Variants in BTBD9 observed in about 807,000 individuals in gnomAD.
The protein encoded by BTBD9 is BTB domain containing 9, also known as BTB/POZ domain-containing protein 9.
In BTBD9, 49 loss-of-function variants were observed where a neutral mutation model predicts 64.3. The observed-to-expected ratio is 0.76, with a 90% CI of 0.61 to 0.97. The LOEUF (loss-of-function observed/expected upper bound fraction) is 0.97, where lower values mean the gene tolerates loss of function less well. Ranked by LOEUF, BTBD9 falls within the 50% of genes least tolerant of loss-of-function variation. BTBD9 has a pLI of 0.00. For synonymous variants in BTBD9, 260 were observed against 274.7 expected, an observed-to-expected ratio of 0.95 and a Z score of 0.53; for missense variants, 598 against 762.1, an observed-to-expected ratio of 0.78 and a Z score of 2.53.
intron 7 of BTBD9, among the ~76,000 whole-genome samples, chr6:38,303,978 T>C (rs996398577): frequency 1.4e-5 from 2 of 148,090 alleles, no homozygotes; most frequent in Non-Finnish European, 3.0e-5. Flanking sequence ...TGCTGGTGAA[T>C]AGCATACTAT....
chr6:38,308,977 C>T (rs979909399), intron 7 of BTBD9, among the ~76,000 whole-genome samples: 1 of 151,880 alleles, frequency 6.6e-6, no homozygotes, highest in Admixed American at 6.6e-5. Flanking sequence ...CAGGTCACAA[C>T]AGGTTTGTGA....
intron 10 of BTBD9, among the ~76,000 whole-genome samples, chr6:38,180,543 C>A (rs1447250830): frequency 1.0e-4 from 12 of 118,886 alleles, no homozygotes; most frequent in African/African-American, 3.9e-4. Context: ...CTAGGTGGAA[C>A]AGCCAAGTCC....
chr6:38,563,441 A>C (rs1775336685), intron 6 of BTBD9, among the ~76,000 whole-genome samples: 1 of 152,096 alleles, frequency 6.6e-6, no homozygotes, highest in South Asian at 2.1e-4. Flanking sequence ...GAGGTCTCCC[A>C]ACTGGTTTCC....
intron 4 of BTBD9, chr6:38,587,670 T>C (rs1776597517): frequency 1.6e-6 from 1 of 614,332 alleles, no homozygotes; most frequent in South Asian, 1.5e-5. Context: ...AACTTTGAAA[T>C]AAAGTGAATC....
At chr6:38,404,054 T>A (rs1442077927) in intron 6 of BTBD9, among the ~76,000 whole-genome samples, 1 of 152,040 alleles carries the variant, frequency 6.6e-6, no homozygotes, top group East Asian at 1.9e-4. Context: ...ATAAAGCAGA[T>A]TAGTGGTGGC....
At chr6:38,333,841 A>G (rs750176090) in intron 7 of BTBD9, among the ~76,000 whole-genome samples, 2 of 152,348 alleles carry the variant, frequency 1.3e-5, no homozygotes, top group Non-Finnish European at 2.9e-5. Context: ...TGCCATTGCT[A>G]CAACGATACC....
intron 7 of BTBD9, among the ~76,000 whole-genome samples, chr6:38,328,444 C>T (rs1025453692): frequency 6.6e-6 from 1 of 152,062 alleles, no homozygotes; most frequent in African/African-American, 2.4e-5. Flanking sequence ...AGAAGGTGGC[C>T]ATTTACATGC....
chr6:38,542,076 G>A (rs2127438549), intron 6 of BTBD9, among the ~76,000 whole-genome samples: 1 of 152,124 alleles, frequency 6.6e-6, no homozygotes, highest in East Asian at 1.9e-4. Flanking sequence ...CTGGACAGGT[G>A]GCCTTCACTA....
rs1776843505 is a variant in BTBD9, at chr6:38,592,493, G to C, written c.814+83C>G. On this transcript the variant is annotated intron_variant, in intron 4 of 10. Transcript: ENST00000481247. ...TATTTCATGTACACCTGCACTACACGGTTCTGTAGTAGCTTTGCGGTTTTA... is the reference window on the plus strand; with the variant it reads ...TATTTCATGTACACCTGCACTACACCGTTCTGTAGTAGCTTTGCGGTTTTA... The C allele has an allele frequency of 2.1e-6, 3 of 1,430,070 alleles. No homozygotes were observed. In the African/African-American group the frequency reaches 4.2e-5, roughly 20 times the overall value. 88.6% of individuals were successfully genotyped at this position (1,430,070 alleles called of 1,614,324 possible).
At chr6:38,382,211 T>G (rs1175520144) in intron 6 of BTBD9, among the ~76,000 whole-genome samples, 1 of 152,162 alleles carries the variant, frequency 6.6e-6, no homozygotes, top group Non-Finnish European at 1.5e-5. Context: ...GTGGTGGCTG[T>G]GAGGACAGCA....
At chr6:38,505,453 C>T (rs1290482069) in intron 6 of BTBD9, among the ~76,000 whole-genome samples, 2 of 151,884 alleles carry the variant, frequency 1.3e-5, no homozygotes, top group African/African-American at 4.8e-5. Context: ...GGTGAAACCC[C>T]ACCTCTATTA....
chr6:38,207,120 C>T (rs1428978829), intron 9 of BTBD9, among the ~76,000 whole-genome samples: 7 of 152,152 alleles, frequency 4.6e-5, no homozygotes, highest in East Asian at 1.9e-4. Context: ...AAGAGAGCCA[C>T]CTAAATGCTC....
intron 8 of BTBD9, among the ~76,000 whole-genome samples, chr6:38,273,788 TGGA>T (rs1256332164): frequency 6.6e-6 from 1 of 152,176 alleles, no homozygotes; most frequent in Non-Finnish European, 1.5e-5. Flanking sequence ...GAGAAAAGGA[TGGA>T]TCTGCTTACC....
intron 6 of BTBD9, among the ~76,000 whole-genome samples, chr6:38,576,394 T>C (rs565104387): frequency 6.6e-6 from 1 of 152,326 alleles, no homozygotes; most frequent in Non-Finnish European, 1.5e-5. Context: ...ATTGATTTTC[T>C]TCATTTTCAC....
Position 38,598,065 on chromosome 6 carries a change from A to G in BTBD9, c.30T>C (p.Phe10=). The change falls in exon 2 of 11, where the codon TTT becomes TTC. Residue 10 remains phenylalanine (F), a synonymous_variant. Coordinates refer to ENST00000481247, the MANE Select transcript of BTBD9 (RefSeq NM_001099272.2). ...CATGATCAATTTCCCCCACTGCAGT[A>G]AAGGGGCGAAGAGGGTGGCTGTTAC... The part of the protein sequence containing the change: MSNSHPLRP[F]TAVGEIDHVH... 6.2e-7 allele frequency: 1 copy of G among 1,613,928 alleles called. No individual in the cohort carries two copies. Among genetic ancestry groups the G allele is most frequent in the Non-Finnish European group, 8.5e-7 (1 of 1,179,850 alleles).
At chr6:38,616,375 C>T (rs775821219) in intron 1 of BTBD9, among the ~76,000 whole-genome samples, 9 of 152,158 alleles carry the variant, frequency 5.9e-5, no homozygotes, top group Non-Finnish European at 7.3e-5. Flanking sequence ...TCAGACCCAA[C>T]GCCTACTTTT....
chr6:38,263,030 T>G (rs1469575148), intron 8 of BTBD9, among the ~76,000 whole-genome samples: 1 of 152,210 alleles, frequency 6.6e-6, no homozygotes. Context: ...ATTTTCTCAT[T>G]TGGGTGAAAA....
At chr6:38,283,351 A>G (rs987569087) in intron 8 of BTBD9, among the ~76,000 whole-genome samples, 2 of 152,230 alleles carry the variant, frequency 1.3e-5, no homozygotes, top group African/African-American at 4.8e-5. Flanking sequence ...GCAGTGACCA[A>G]GATAATTCAT....
At chr6:38,375,494 C>G (rs1482365724) in intron 6 of BTBD9, among the ~76,000 whole-genome samples, 2 of 152,174 alleles carry the variant, frequency 1.3e-5, no homozygotes. Context: ...GATGAAAAGT[C>G]AGCAAGTATT....
Sources: gnomAD v4.1 joint callset for allele counts (sites outside exome capture counted in the v4.1 genomes callset) on GRCh38, gnomAD v4.1.1 for gene constraint, MANE v1.5 for transcripts, NCBI Gene and HGNC (gene_info 2026-07-23, HGNC 2026-07-21) for gene names.